The following PHACTR1 variants were observed in gnomAD, a reference collection of about 807,000 sequenced individuals.
PHACTR1 encodes the protein phosphatase and actin regulator 1, also known as RPEL repeat containing 1.
A neutral mutation model predicts 69.2 loss-of-function variants in PHACTR1; 16 were observed. The observed-to-expected ratio is 0.23, with a 90% CI of 0.16 to 0.35. The LOEUF (loss-of-function observed/expected upper bound fraction) is 0.35, where lower values mean the gene tolerates loss of function less well. Ranked by LOEUF, PHACTR1 falls within the 10% of genes least tolerant of loss-of-function variation. The pLI, the probability that PHACTR1 is intolerant of heterozygous loss-of-function variation, is 1.00. For missense variants in PHACTR1, 510 were observed against 734.7 expected, an observed-to-expected ratio of 0.69 and a Z score of 3.54; for synonymous variants, 312 against 284.5, an observed-to-expected ratio of 1.10 and a Z score of -0.97.
chr6:12,973,644 C>G (rs1038254797), intron 4 of PHACTR1, among the ~76,000 whole-genome samples: 1 of 152,034 alleles, frequency 6.6e-6, no homozygotes, highest in Admixed American at 6.6e-5. Flanking sequence ...TTAAAGGATC[C>G]GTGTTATCTA....
intron 4 of PHACTR1, among the ~76,000 whole-genome samples, chr6:12,992,549 C>G (rs1486276108): frequency 6.6e-6 from 1 of 152,160 alleles, no homozygotes; most frequent in Non-Finnish European, 1.5e-5. Flanking sequence ...CACCATGTTG[C>G]AAGTGACAAG....
chr6:12,842,420 A>G (rs779519059), intron 4 of PHACTR1, among the ~76,000 whole-genome samples: 7 of 152,244 alleles, frequency 4.6e-5, no homozygotes, highest in Non-Finnish European at 1.0e-4. Context: ...ATTTTGCCCA[A>G]TGGGTCAATG....
intron 3 of PHACTR1, among the ~76,000 whole-genome samples, chr6:12,748,290 T>C (rs1317363937): frequency 6.6e-6 from 1 of 152,142 alleles, no homozygotes; most frequent in Non-Finnish European, 1.5e-5. Flanking sequence ...AAGAAGATTC[T>C]AGAATGAGAA....
intron 8 of PHACTR1, among the ~76,000 whole-genome samples, chr6:13,217,282 G>A (rs1369891938): frequency 6.6e-6 from 1 of 152,176 alleles, no homozygotes; most frequent in African/African-American, 2.4e-5. Context: ...TTTAACTGAT[G>A]AAGAGCCAAA....
At chr6:13,203,616 G>C (rs1457228294) in intron 7 of PHACTR1, among the ~76,000 whole-genome samples, 3 of 152,186 alleles carry the variant, frequency 2.0e-5, no homozygotes, top group Non-Finnish European at 2.9e-5. Context: ...ATCAAGGAAG[G>C]CTTTTCAGGG....
At chr6:13,020,364 C>T (rs1800790630) in intron 4 of PHACTR1, among the ~76,000 whole-genome samples, 1 of 152,180 alleles carries the variant, frequency 6.6e-6, no homozygotes, top group Non-Finnish European at 1.5e-5. Flanking sequence ...ATGTATCAAG[C>T]ATTGATGCCT....
At chr6:12,859,491 T>G (rs1780728374) in intron 4 of PHACTR1, among the ~76,000 whole-genome samples, 1 of 152,236 alleles carries the variant, frequency 6.6e-6, no homozygotes, top group African/African-American at 2.4e-5. Flanking sequence ...AACTGAATAT[T>G]GTACCAATGA....
intron 10 of PHACTR1, among the ~76,000 whole-genome samples, chr6:13,259,413 G>GTTA (rs1184341017): frequency 1.3e-5 from 2 of 152,174 alleles, no homozygotes; most frequent in East Asian, 3.9e-4. Context: ...ACTTTTTTGG[G>GTTA]TTATTATCTC....
intron 4 of PHACTR1, among the ~76,000 whole-genome samples, chr6:13,006,029 G>A (rs1022351317): frequency 2.0e-5 from 3 of 152,144 alleles, no homozygotes; most frequent in Non-Finnish European, 2.9e-5. Flanking sequence ...ATTAGCTGAT[G>A]GTGAGCTTTT....
At chr6:12,995,292 GGAAAA>G (rs1254580810) in intron 4 of PHACTR1, among the ~76,000 whole-genome samples, 5 of 149,270 alleles carry the variant, frequency 3.3e-5, no homozygotes, top group Non-Finnish European at 5.9e-5. Context: ...TTAGAGGAAA[GGAAAA>G]GAAAGAATAG....
chr6:13,067,042 T>G (rs1397328386), intron 5 of PHACTR1, among the ~76,000 whole-genome samples: 1 of 152,176 alleles, frequency 6.6e-6, no homozygotes, highest in Non-Finnish European at 1.5e-5. Flanking sequence ...TTGTTCAAAG[T>G]GTGGCAAGAC....
intron 4 of PHACTR1, among the ~76,000 whole-genome samples, chr6:12,962,040 C>T (rs1792813686): frequency 6.6e-6 from 1 of 152,060 alleles, no homozygotes; most frequent in African/African-American, 2.4e-5. Context: ...GTGAACCTCC[C>T]ACCTCAGCCT....
intron 10 of PHACTR1, among the ~76,000 whole-genome samples, chr6:13,251,837 T>C (rs536189649): frequency 2.6e-5 from 4 of 152,108 alleles, no homozygotes; most frequent in South Asian, 2.1e-4. Context: ...GGAGGATTGC[T>C]TGAGGCCAGG....
intron 4 of PHACTR1, among the ~76,000 whole-genome samples, chr6:12,791,584 T>G (rs1246884000): frequency 6.6e-6 from 1 of 152,218 alleles, no homozygotes; most frequent in Non-Finnish European, 1.5e-5. Flanking sequence ...TGAAATGCAC[T>G]GGCAGGCTGG....
At chr6:12,991,942 CTT>C (rs758565773) in intron 4 of PHACTR1, among the ~76,000 whole-genome samples, 33 of 144,300 alleles carry the variant, frequency 2.3e-4, no homozygotes, top group Non-Finnish European at 2.4e-4. Context: ...GTTTCTGTGT[CTT>C]TTTTTTTTTT....
At chr6:13,018,843 G>A (rs904112511) in intron 4 of PHACTR1, among the ~76,000 whole-genome samples, 2 of 151,958 alleles carry the variant, frequency 1.3e-5, no homozygotes, top group African/African-American at 4.8e-5. Context: ...AAGCAGAGGC[G>A]ATGTGACCAA....
intron 3 of PHACTR1, among the ~76,000 whole-genome samples, chr6:12,745,865 G>A (rs1451599884): frequency 6.6e-6 from 1 of 152,176 alleles, no homozygotes; most frequent in Non-Finnish European, 1.5e-5. Flanking sequence ...AGAGTGACTT[G>A]CCCAGTGTCA....
intron 5 of PHACTR1, among the ~76,000 whole-genome samples, chr6:13,064,076 T>G (rs1256942192): frequency 1.3e-5 from 2 of 152,214 alleles, no homozygotes; most frequent in Admixed American, 1.3e-4. Context: ...TTACTTGTGA[T>G]AGAATTAAGA....
At chr6:13,019,070 A>ATTTTTTTTTTT (rs10635069) in intron 4 of PHACTR1, among the ~76,000 whole-genome samples, 1 of 142,688 alleles carries the variant, frequency 7.0e-6, no homozygotes, top group Non-Finnish European at 1.5e-5. Context: ...ATATATATAT[A>ATTTTTTTTTTT]TATATTTTTT....
Sources: gnomAD v4.1 joint callset for allele counts (sites outside exome capture counted in the v4.1 genomes callset) on GRCh38, gnomAD v4.1.1 for gene constraint, MANE v1.5 for transcripts, NCBI Gene and HGNC (gene_info 2026-07-23, HGNC 2026-07-21) for gene names.